The following GATAD2A variants were observed in gnomAD, a reference collection of about 807,000 sequenced individuals.
The protein encoded by GATAD2A is transcriptional repressor p66-alpha.
GATAD2A carries 12 observed loss-of-function variants against 68.5 expected under a neutral mutation model. The observed-to-expected ratio is 0.18, with a 90% CI of 0.11 to 0.28. The LOEUF (loss-of-function observed/expected upper bound fraction) is 0.28, where lower values mean the gene tolerates loss of function less well. Among genes scored for constraint, GATAD2A ranks in the 10% least tolerant of loss-of-function variants. The pLI, the probability that GATAD2A is intolerant of heterozygous loss-of-function variation, is 1.00. For synonymous variants in GATAD2A, 410 were observed against 375.3 expected (o/e 1.09, Z -1.07); for missense variants, 755 against 868.5 (o/e 0.87, Z 1.64).
chr19:19,394,566 C>T (rs745857194), intron 1 of GATAD2A, among the ~76,000 whole-genome samples: 4 of 152,060 alleles, frequency 2.6e-5, no homozygotes, highest in Admixed American at 6.6e-5. Context: ...CTGTCTCAGC[C>T]TCCTGAGTAG....
At chr19:19,388,565 T>C (rs1490135394) in intron 1 of GATAD2A, among the ~76,000 whole-genome samples, 1 of 151,830 alleles carries the variant, frequency 6.6e-6, no homozygotes, top group African/African-American at 2.4e-5. Flanking sequence ...CCTGCTAGAT[T>C]TGGGGGAGCA....
chr19:19,492,515 G>A, intron 3 of GATAD2A, 66 bp from the exon 4 acceptor site: 1 of 1,611,576 alleles, frequency 6.2e-7, no homozygotes, highest in Non-Finnish European at 8.5e-7. Flanking sequence ...TGGAGCTAGT[G>A]ATGGCAGGGC....
At chr19:19,442,160 A>C (rs1016999360) in intron 1 of GATAD2A, among the ~76,000 whole-genome samples, 2 of 151,896 alleles carry the variant, frequency 1.3e-5, no homozygotes, top group Non-Finnish European at 2.9e-5. Context: ...GCACCTGGCC[A>C]AGACCTGAAG....
intron 1 of GATAD2A, among the ~76,000 whole-genome samples, chr19:19,411,279 C>T (rs1267863398): frequency 2.6e-5 from 4 of 152,216 alleles, no homozygotes; most frequent in Admixed American, 6.5e-5. Flanking sequence ...TGCCTTGGGG[C>T]CTTCTTGACG....
intron 1 of GATAD2A, chr19:19,457,027 A>T: frequency 6.9e-6 from 6 of 874,076 alleles, no homozygotes; most frequent in Non-Finnish European, 8.2e-6. Context: ...TTTGGATGAA[A>T]CCCTGAGGAT....
chr19:19,423,625 T>G (rs1228504742), intron 1 of GATAD2A, among the ~76,000 whole-genome samples: 1 of 152,194 alleles, frequency 6.6e-6, no homozygotes, highest in East Asian at 1.9e-4. Context: ...TTTACCGAAT[T>G]GACTGTTTGA....
intron 6 of GATAD2A, 27 bp from the exon 7 acceptor site, chr19:19,496,025 C>T (rs1217120773): frequency 1.2e-6 from 2 of 1,609,316 alleles, no homozygotes; most frequent in African/African-American, 2.7e-5. Flanking sequence ...AGTCAGATTT[C>T]TTGTTCTCCC....
At chr19:19,498,777 G>T in intron 8 of GATAD2A, 55 bp downstream of exon 8, 1 of 1,468,540 alleles carries the variant, frequency 6.8e-7, no homozygotes, top group Non-Finnish European at 9.4e-7. Context: ...CAAGGGTGCT[G>T]CCCCGTGGGT....
intron 8 of GATAD2A, 32 bp downstream of exon 8, chr19:19,498,754 C>T (rs558886432): frequency 7.9e-5 from 124 of 1,567,608 alleles, no homozygotes; most frequent in Non-Finnish European, 4.9e-5. Flanking sequence ...GGGCTGCTTC[C>T]GCCTCTGGCC....
At chr19:19,421,899 G>A (rs2052468577) in intron 1 of GATAD2A, among the ~76,000 whole-genome samples, 1 of 151,472 alleles carries the variant, frequency 6.6e-6, no homozygotes, top group African/African-American at 2.4e-5. Context: ...TTGGCTCACT[G>A]CAACCTCCAC....
At chr19:19,434,584 G>C (rs1195306447) in intron 1 of GATAD2A, among the ~76,000 whole-genome samples, 1 of 152,144 alleles carries the variant, frequency 6.6e-6, no homozygotes, top group South Asian at 2.1e-4. Context: ...AGTCCTGTGG[G>C]TGCAAAGAAT....
At chr19:19,414,533 T>C (rs2051339984) in intron 1 of GATAD2A, among the ~76,000 whole-genome samples, 1 of 136,762 alleles carries the variant, frequency 7.3e-6, no homozygotes, top group South Asian at 2.7e-4. Context: ...GCCTTGTCTT[T>C]TTTTTTTTTT....
intron 1 of GATAD2A, among the ~76,000 whole-genome samples, chr19:19,449,810 T>C (rs559853028): frequency 2.0e-5 from 3 of 152,264 alleles, no homozygotes; most frequent in South Asian, 2.1e-4. Context: ...ACTTAATAAA[T>C]TGATTTTAAA....
chr19:19,488,420 T>G (rs1273314131), intron 2 of GATAD2A, among the ~76,000 whole-genome samples: 1 of 152,244 alleles, frequency 6.6e-6, no homozygotes, highest in Non-Finnish European at 1.5e-5. Context: ...ATGTCTTTCC[T>G]GCATACCAGG....
At chr19:19,496,592 A>C (rs2060166824) in intron 7 of GATAD2A, among the ~76,000 whole-genome samples, 1 of 152,202 alleles carries the variant, frequency 6.6e-6, no homozygotes. Context: ...GGGCCCGGAG[A>C]TGCCTTGGGG....
chr19:19,488,396 T>TG (rs1271349847), intron 2 of GATAD2A, among the ~76,000 whole-genome samples: 5 of 152,218 alleles, frequency 3.3e-5, no homozygotes, highest in African/African-American at 1.2e-4. Flanking sequence ...AATGAATGAA[T>TG]GAGGGAGAGG....
At chr19:19,475,210 G>A (rs773779366) in intron 2 of GATAD2A, among the ~76,000 whole-genome samples, 6 of 152,230 alleles carry the variant, frequency 3.9e-5, no homozygotes, top group Non-Finnish European at 7.3e-5. Context: ...TGAGATGGAC[G>A]ATGGACTAAT....
chr19:19,492,485 C>T (rs772531867), intron 3 of GATAD2A, 47 bp downstream of exon 3: 2 of 1,612,914 alleles, frequency 1.2e-6, no homozygotes, highest in Non-Finnish European at 1.7e-6. Flanking sequence ...TGTGCCCTTC[C>T]TACTCATGAC....
chr19:19,400,576 G>C (rs901805776), intron 1 of GATAD2A, among the ~76,000 whole-genome samples: 8 of 152,158 alleles, frequency 5.3e-5, no homozygotes, highest in African/African-American at 1.7e-4. Context: ...TTTTCATAAA[G>C]CATCACTGTA....
Sources: allele counts gnomAD v4.1 joint callset (sites outside exome capture counted in the v4.1 genomes callset), GRCh38; gene constraint gnomAD v4.1.1; transcripts MANE v1.5; gene names NCBI Gene and HGNC (gene_info 2026-07-23, HGNC 2026-07-21).